AKIRIN1: variants seen among roughly 807,000 people sequenced by gnomAD.
AKIRIN1 encodes akirin-1.
AKIRIN1 carries 4 observed loss-of-function variants against 25.9 expected under a neutral mutation model. That is an observed-to-expected ratio of 0.15 (90% CI 0.08 to 0.35). AKIRIN1 has a LOEUF of 0.35. AKIRIN1 is among the 10% of genes least tolerant of loss of function. The pLI is 1.00. For missense variants in AKIRIN1, 243 were observed against 266.1 expected (o/e 0.91, Z 0.61); for synonymous variants, 125 against 105.1 (o/e 1.19, Z -1.16).
At position 39,001,114 on chromosome 1, in the gene AKIRIN1, C is replaced by T; in HGVS notation, c.496+8C>T. On this transcript the variant is annotated splice_region_variant and intron_variant, in intron 3 of 4. Transcript: ENST00000432648. ...TCAATACCAAACTAGCAGGTAGGCC[C>T]AGGCAGTGACTGCCATTGTCATTAA... is the stretch of plus-strand genomic sequence containing the variant. 1 of 1,603,166 alleles carries T rather than the reference C, an allele frequency of 6.2e-7. No homozygotes were observed. Among genetic ancestry groups the T allele is most frequent in the Non-Finnish European group, 8.5e-7 (1 of 1,176,044 alleles).
At chr1:38,995,446 A>G (rs1431197592) in intron 1 of AKIRIN1, among the ~76,000 whole-genome samples, 1 of 152,192 alleles carries the variant, frequency 6.6e-6, no homozygotes, top group Non-Finnish European at 1.5e-5. Flanking sequence ...TTAAAAAGAA[A>G]TTTGAGTTTT....
At chr1:38,998,446 A>C in intron 2 of AKIRIN1, 135 bp downstream of exon 2, 1 of 1,061,044 alleles carries the variant, frequency 9.4e-7, no homozygotes. Context: ...GATATTTTTA[A>C]AACTATACAG....
intron 1 of AKIRIN1, among the ~76,000 whole-genome samples, chr1:38,995,028 A>C (rs1353021691): frequency 2.0e-5 from 3 of 151,636 alleles, no homozygotes; most frequent in Non-Finnish European, 2.9e-5. Flanking sequence ...ACAGGGTTTC[A>C]CTGTATTGGC....
At chr1:38,994,916 C>T (rs1643936319) in intron 1 of AKIRIN1, among the ~76,000 whole-genome samples, 1 of 152,004 alleles carries the variant, frequency 6.6e-6, no homozygotes, top group African/African-American at 2.4e-5. Flanking sequence ...TCTCAAACAC[C>T]TGACCTCAGG....
chr1:39,000,857 C>G, intron 2 of AKIRIN1, 115 bp from the exon 3 acceptor site: 1 of 1,186,326 alleles, frequency 8.4e-7, no homozygotes, highest in Non-Finnish European at 1.2e-6. Flanking sequence ...GGTTTCTCCA[C>G]GTTGTCAGGC....
intron 3 of AKIRIN1, 43 bp downstream of exon 3, chr1:39,001,149 G>C (rs1643988333): frequency 6.4e-7 from 1 of 1,560,142 alleles, no homozygotes; most frequent in Non-Finnish European, 8.7e-7. Flanking sequence ...ACAGGGTTCA[G>C]TTAAAAATTA....
In AKIRIN1 at chr1:39,004,806, C is replaced by T. The variant is rs1224288366; in HGVS notation, c.*751C>T. ...TTGACTCCAAGCCTTAAAATACTCA[C>T]ATGGAGTCAGCGCTCACCTCATTCA... is the stretch of plus-strand genomic sequence containing the variant. On this transcript the variant is annotated 3_prime_UTR_variant, in exon 5 of 5. Transcript: ENST00000432648. 1 of 154,368 alleles carries T rather than the reference C, an allele frequency of 6.5e-6. No individual in the cohort carries two copies. Among genetic ancestry groups the T allele is most frequent in the Non-Finnish European group, 1.4e-5 (1 of 69,392 alleles). The allele number at this position is 154,368 out of a possible 1,614,324, so 9.6% of individuals were successfully genotyped here. A position where few individuals can be genotyped will look rare whatever the true frequency, so the allele number is the denominator to read the frequency against.
intron 3 of AKIRIN1, among the ~76,000 whole-genome samples, chr1:39,001,716 T>A (rs1412469492): frequency 1.3e-5 from 2 of 152,322 alleles, no homozygotes; most frequent in African/African-American, 4.8e-5. Context: ...GGAGGGATTT[T>A]TCATTTGCAT....
At chr1:38,997,396 C>A (rs1643955503) in intron 1 of AKIRIN1, among the ~76,000 whole-genome samples, 1 of 152,204 alleles carries the variant, frequency 6.6e-6, no homozygotes. Flanking sequence ...ATTTTCTAAG[C>A]CCTGACCATC....
In AKIRIN1 at chr1:38,995,610, C is replaced by T. The variant is rs548355150; in HGVS notation, c.221-2561C>T. 3.3e-5 allele frequency among the ~76,000 whole-genome samples: 5 copies of T among 152,310 alleles called. No homozygotes were observed. The South Asian group carries it at 1.0e-3, about 32-fold the overall frequency. ...TGTATCTTTCCATTTGTTAACATTGCCATACAGGAGGCAGAGGTTTATCAA... is the reference window on the plus strand; with the variant it reads ...TGTATCTTTCCATTTGTTAACATTGTCATACAGGAGGCAGAGGTTTATCAA... On this transcript the variant is annotated intron_variant, in intron 1 of 4. Transcript: ENST00000432648.
chr1:38,994,428 G>A (rs929663411), intron 1 of AKIRIN1, among the ~76,000 whole-genome samples: 19 of 152,194 alleles, frequency 1.2e-4, no homozygotes, highest in African/African-American at 1.9e-4. Flanking sequence ...ATTTGTAAAC[G>A]TAATGTGCAA....
At chr1:38,993,336 C>G (rs544046342) in intron 1 of AKIRIN1, among the ~76,000 whole-genome samples, 7 of 151,702 alleles carry the variant, frequency 4.6e-5, no homozygotes, top group African/African-American at 1.7e-4. Context: ...ATCAAGAGAC[C>G]GAGACCATCC....
intron 3 of AKIRIN1, among the ~76,000 whole-genome samples, chr1:39,002,468 C>T (rs1421831662): frequency 6.6e-6 from 1 of 152,180 alleles, no homozygotes; most frequent in Non-Finnish European, 1.5e-5. Flanking sequence ...CAGTGGCTCA[C>T]GCCTGTAATC....
chr1:39,000,933 C>T (rs749135672), intron 2 of AKIRIN1, 39 bp from the exon 3 acceptor site: 1 of 1,586,858 alleles, frequency 6.3e-7, no homozygotes, highest in East Asian at 2.2e-5. Flanking sequence ...AGGTGTGAAC[C>T]ACCGCACCTG....
chr1:38,999,926 A>G (rs773201177), intron 2 of AKIRIN1, among the ~76,000 whole-genome samples: 1 of 151,634 alleles, frequency 6.6e-6, no homozygotes. Context: ...TCTGTCGCCC[A>G]GGCTGGAGTG....
intron 1 of AKIRIN1, among the ~76,000 whole-genome samples, chr1:38,992,416 C>T (rs1207655006): frequency 5.9e-5 from 9 of 152,104 alleles, no homozygotes; most frequent in Non-Finnish European, 2.9e-5. Flanking sequence ...AAAGGACTTC[C>T]GGAAATGAGG....
chr1:39,000,947 C>T, intron 2 of AKIRIN1, 25 bp from the exon 3 acceptor site: 1 of 1,600,586 alleles, frequency 6.2e-7, no homozygotes, highest in Non-Finnish European at 8.5e-7. Flanking sequence ...GCACCTGGCC[C>T]AAACTCACTT....
At chr1:39,000,339 C>CTT (rs1643979997) in intron 2 of AKIRIN1, among the ~76,000 whole-genome samples, 1 of 124,890 alleles carries the variant, frequency 8.0e-6, no homozygotes, top group African/African-American at 2.8e-5. Flanking sequence ...CCTTTTTTTT[C>CTT]TTTTTCTTTT....
In AKIRIN1 at chr1:39,000,969, C is replaced by T; in HGVS notation, c.362-3C>T. 6.2e-7 allele frequency: 1 copy of T among 1,607,020 alleles called. No homozygotes were observed. Among genetic ancestry groups the T allele is most frequent in the South Asian group, 1.1e-5 (1 of 90,110 alleles). On this transcript the variant is annotated splice_region_variant and splice_polypyrimidine_tract_variant and intron_variant, in intron 2 of 4. Coordinates refer to ENST00000432648, the MANE Select transcript of AKIRIN1 (RefSeq NM_024595.3). ...GCCCAAACTCACTTTTTCTTTTGGC[C>T]AGGTTCCTCATGGATGAAGAAGGAC...
Sources: allele counts gnomAD v4.1 joint callset (sites outside exome capture counted in the v4.1 genomes callset), GRCh38; gene constraint gnomAD v4.1.1; transcripts MANE v1.5; gene names NCBI Gene and HGNC (gene_info 2026-07-23, HGNC 2026-07-21).